The following RBFOX2 variants were observed in gnomAD, a reference collection of about 807,000 sequenced individuals.
RBFOX2 encodes the protein RNA binding fox-1 homolog 2.
Under a neutral mutation model 49.1 loss-of-function variants are expected in RBFOX2, and 10 were observed. The ratio of observed to expected loss-of-function variants is 0.20; its 90% CI spans 0.13 to 0.35. RBFOX2 has a LOEUF of 0.35. Ranked by LOEUF, RBFOX2 falls within the 10% of genes least tolerant of loss-of-function variation. The pLI is 1.00. For missense variants in RBFOX2, 323 were observed against 486.9 expected, an observed-to-expected ratio of 0.66 and a Z score of 3.17; for synonymous variants, 183 against 187.4, an observed-to-expected ratio of 0.98 and a Z score of 0.19.
At chr22:35,947,046 C>A (rs1022958149) in intron 1 of RBFOX2, among the ~76,000 whole-genome samples, 1 of 152,052 alleles carries the variant, frequency 6.6e-6, no homozygotes, top group African/African-American at 2.4e-5. Flanking sequence ...ACAAAATTAG[C>A]CGGGTGTGGT....
intron 1 of RBFOX2, among the ~76,000 whole-genome samples, chr22:35,869,076 C>G (rs1474129374): frequency 6.6e-6 from 1 of 152,090 alleles, no homozygotes; most frequent in Non-Finnish European, 1.5e-5. Context: ...GATCCAATTC[C>G]TAGGCTACCC....
chr22:36,001,489 A>G (rs1221649352), intron 1 of RBFOX2, among the ~76,000 whole-genome samples: 7 of 152,208 alleles, frequency 4.6e-5, no homozygotes, highest in South Asian at 4.1e-4. Flanking sequence ...GGCCAGGCAC[A>G]GGGGCTCATG....
chr22:35,858,861 C>T (rs531046450), intron 1 of RBFOX2, among the ~76,000 whole-genome samples: 96 of 145,120 alleles, frequency 6.6e-4, no homozygotes, highest in Non-Finnish European at 1.2e-3. Flanking sequence ...TAAGCTAAAA[C>T]AGTTTATACA....
At chr22:36,013,465 T>G (rs2058904745) in intron 1 of RBFOX2, among the ~76,000 whole-genome samples, 2 of 152,110 alleles carry the variant, frequency 1.3e-5, no homozygotes, top group Admixed American at 6.6e-5. Flanking sequence ...ATAACACATT[T>G]TACAAAGAAA....
chr22:35,882,554 T>C (rs760771208), intron 1 of RBFOX2, among the ~76,000 whole-genome samples: 3 of 152,240 alleles, frequency 2.0e-5, no homozygotes, highest in Admixed American at 6.5e-5. Flanking sequence ...CTTAACTGTA[T>C]GCTGACGGGA....
intron 1 of RBFOX2, among the ~76,000 whole-genome samples, chr22:35,925,344 C>T (rs547292686): frequency 3.9e-5 from 6 of 152,214 alleles, no homozygotes; most frequent in Admixed American, 6.5e-5. Context: ...CATAGCAAGA[C>T]GCTGTCTTTA....
chr22:35,826,375 A>G (rs2148569155), intron 1 of RBFOX2, among the ~76,000 whole-genome samples: 1 of 151,842 alleles, frequency 6.6e-6, no homozygotes, highest in East Asian at 1.9e-4. Context: ...AGAGATAATA[A>G]TTACCACTAT....
intron 1 of RBFOX2, among the ~76,000 whole-genome samples, chr22:36,006,532 T>C (rs1176659360): frequency 6.6e-6 from 1 of 152,194 alleles, no homozygotes; most frequent in East Asian, 1.9e-4. Flanking sequence ...TATAAGGATA[T>C]GTTTCTGAAG....
chr22:35,937,739 T>C (rs1288054309), intron 1 of RBFOX2, among the ~76,000 whole-genome samples: 3 of 152,106 alleles, frequency 2.0e-5, no homozygotes, highest in Admixed American at 6.5e-5. Flanking sequence ...TACAACTGCA[T>C]ACCATCACAC....
chr22:35,903,275 C>G (rs373501725), intron 1 of RBFOX2, among the ~76,000 whole-genome samples: 2 of 152,332 alleles, frequency 1.3e-5, no homozygotes, highest in East Asian at 1.9e-4. Flanking sequence ...CCACATTTAT[C>G]TGACCTCTTA....
At chr22:35,923,493 T>G (rs1301379255) in intron 1 of RBFOX2, among the ~76,000 whole-genome samples, 1 of 152,172 alleles carries the variant, frequency 6.6e-6, no homozygotes, top group Admixed American at 6.5e-5. Context: ...TGCCTCAGCC[T>G]CTAGAGTAGC....
In RBFOX2 at chr22:35,749,821, G is replaced by T. The variant is rs951809629; in HGVS notation, c.888-3260C>A. On this transcript the variant is annotated intron_variant, in intron 9 of 11. Coordinates refer to ENST00000405409, the Ensembl canonical transcript of RBFOX2. The surrounding 1 kb of genome is among the most constrained non-coding windows in gnomAD (Gnocchi z 4.1). ...GAGGTAGAAGAGACAGGGTTCAGGC[G>T]TGGGGAGGGATATGGCGCCACATTT... 6.6e-6 allele frequency among the ~76,000 whole-genome samples: 1 copy of T among 152,160 alleles called. No individual in the cohort carries two copies. Among genetic ancestry groups the T allele is most frequent in the African/African-American group, 2.4e-5 (1 of 41,428 alleles).
intron 1 of RBFOX2, among the ~76,000 whole-genome samples, chr22:35,849,780 C>G (rs1037062179): frequency 6.6e-6 from 1 of 152,104 alleles, no homozygotes; most frequent in East Asian, 1.9e-4. Flanking sequence ...CTGATGAAGT[C>G]GGAGCTTGGT....
At chr22:35,891,130 G>A (rs546110556) in intron 1 of RBFOX2, among the ~76,000 whole-genome samples, 1 of 152,248 alleles carries the variant, frequency 6.6e-6, no homozygotes, top group South Asian at 2.1e-4. Context: ...CTCTACCATG[G>A]TGTTATAAAT....
chr22:35,865,544 T>C (rs1343398025), intron 1 of RBFOX2, among the ~76,000 whole-genome samples: 1 of 152,044 alleles, frequency 6.6e-6, no homozygotes, highest in African/African-American at 2.4e-5. Context: ...ACCATCCTTT[T>C]CCCCTCCCCC....
intron 2 of RBFOX2, among the ~76,000 whole-genome samples, chr22:35,805,371 C>T (rs111266038): frequency 6.0e-4 from 90 of 150,434 alleles, no homozygotes; most frequent in Middle Eastern, 6.8e-3. Context: ...TAGCAAATAA[C>T]CACATGGAAG....
chr22:35,862,569 T>C (rs2043218757), intron 1 of RBFOX2, among the ~76,000 whole-genome samples: 1 of 152,090 alleles, frequency 6.6e-6, no homozygotes, highest in African/African-American at 2.4e-5. Flanking sequence ...ATCGTTTCTG[T>C]CTCTCCCACT....
intron 1 of RBFOX2, among the ~76,000 whole-genome samples, chr22:35,851,981 A>G (rs1160060794): frequency 6.6e-6 from 1 of 152,180 alleles, no homozygotes. Context: ...AGGGATTATA[A>G]TATACAGTCA....
intron 4 of RBFOX2, among the ~76,000 whole-genome samples, chr22:35,776,851 A>C (rs1449191222): frequency 1.3e-5 from 2 of 152,156 alleles, no homozygotes; most frequent in African/African-American, 4.8e-5. Flanking sequence ...ACTCTCAAGT[A>C]ACATGTGCAA....
Sources: allele counts gnomAD v4.1 joint callset (sites outside exome capture counted in the v4.1 genomes callset), GRCh38; gene constraint gnomAD v4.1.1; non-coding constraint Gnocchi (gnomAD v3.1); transcripts MANE v1.5; gene names NCBI Gene and HGNC (gene_info 2026-07-23, HGNC 2026-07-21).